Variants in PRDM16 observed in about 807,000 individuals in gnomAD.
PRDM16 encodes the protein histone-lysine N-methyltransferase PRDM16.
A neutral mutation model predicts 110.6 loss-of-function variants in PRDM16; 23 were observed. That is an observed-to-expected ratio of 0.21 (90% CI 0.15 to 0.29). The LOEUF (loss-of-function observed/expected upper bound fraction) is 0.29. Ranked by LOEUF, PRDM16 falls within the 10% of genes least tolerant of loss-of-function variation. PRDM16 has a pLI of 1.00. For missense variants in PRDM16, 1,615 were observed against 1,794.3 expected, an observed-to-expected ratio of 0.90 and a Z score of 1.81; for synonymous variants, 799 against 781.8, an observed-to-expected ratio of 1.02 and a Z score of -0.37.
In PRDM16 at chr1:3,140,199, C is replaced by T. The variant is rs369007551; in HGVS notation, c.38-45926C>T. Among the ~76,000 whole-genome samples the T allele has an allele frequency of 4.1e-4, 62 of 152,350 alleles. No individual in the cohort carries two copies. The East Asian group carries it at 8.5e-3, about 21-fold the overall frequency. On this transcript the variant is annotated intron_variant, in intron 1 of 16. Coordinates refer to ENST00000270722, the MANE Select transcript of PRDM16 (RefSeq NM_022114.4). ...CCGGCGGATGCAGCCCCCGGATGGC[C>T]GTTGCCACGCATTTTTGTTTAGGAA...
At chr1:3,147,171 C>T (rs1381579066) in intron 1 of PRDM16, among the ~76,000 whole-genome samples, 1 of 140,594 alleles carries the variant, frequency 7.1e-6, no homozygotes, top group Admixed American at 7.2e-5. Flanking sequence ...TGTGCACGCA[C>T]GTGTGTGCTC....
At chr1:3,259,503 C>T (rs1004276194) in intron 3 of PRDM16, among the ~76,000 whole-genome samples, 1 of 152,182 alleles carries the variant, frequency 6.6e-6, no homozygotes, top group African/African-American at 2.4e-5. Context: ...CTTTCTTCCC[C>T]TCCACATAAT....
At chr1:3,288,268 C>T (rs1640901119) in intron 3 of PRDM16, among the ~76,000 whole-genome samples, 1 of 152,212 alleles carries the variant, frequency 6.6e-6, no homozygotes, top group African/African-American at 2.4e-5. Context: ...CAGCTGAGAC[C>T]TAGGGGCCTG....
At chr1:3,274,872 G>A (rs894190135) in intron 3 of PRDM16, among the ~76,000 whole-genome samples, 1 of 152,106 alleles carries the variant, frequency 6.6e-6, no homozygotes, top group Admixed American at 6.6e-5. Flanking sequence ...TGTGGGTCCC[G>A]GGTCCTGAGA....
At chr1:3,332,634 T>G (rs1642064683) in intron 3 of PRDM16, among the ~76,000 whole-genome samples, 1 of 152,136 alleles carries the variant, frequency 6.6e-6, no homozygotes, top group Non-Finnish European at 1.5e-5. Context: ...CGGTGACATT[T>G]AGCACATCTG....
chr1:3,434,017 G>C lies in PRDM16; in HGVS notation c.*206G>C. The stretch of plus-strand genomic sequence containing the variant: ...GTCGTAGAGTCTCACCATCTCCAAG[G>C]ATTGGTCTTGAGAACACTGTTCAGT... On this transcript the variant is annotated 3_prime_UTR_variant, in exon 17 of 17. Coordinates refer to ENST00000270722, the MANE Select transcript of PRDM16 (RefSeq NM_022114.4). 1 of 579,698 alleles carries C rather than the reference G, an allele frequency of 1.7e-6. No individual in the cohort carries two copies. Among genetic ancestry groups the C allele is most frequent in the East Asian group, 3.0e-5 (1 of 33,510 alleles). 35.9% of individuals were successfully genotyped at this position (579,698 alleles called of 1,614,324 possible).
chr1:3,357,137 T>G (rs948668698), intron 3 of PRDM16, among the ~76,000 whole-genome samples: 1 of 152,046 alleles, frequency 6.6e-6, no homozygotes, highest in African/African-American at 2.4e-5. Context: ...ATGCCGGCCC[T>G]GTCTCTGCTG....
intron 3 of PRDM16, among the ~76,000 whole-genome samples, chr1:3,327,363 G>A (rs887656443): frequency 6.6e-6 from 1 of 152,176 alleles, no homozygotes; most frequent in South Asian, 2.1e-4. Context: ...GCCCTCGGGG[G>A]GTCCTGCCCC....
chr1:3,283,660 CAG>C (rs527749465), intron 3 of PRDM16, among the ~76,000 whole-genome samples: 165 of 148,658 alleles, frequency 1.1e-3, no homozygotes, highest in Admixed American at 3.7e-3. Flanking sequence ...GAGGAAGAGA[CAG>C]GGGGTGGTCA....
At chr1:3,288,276 C>T (rs187328896) in intron 3 of PRDM16, among the ~76,000 whole-genome samples, 11 of 152,314 alleles carry the variant, frequency 7.2e-5, no homozygotes, top group Admixed American at 2.0e-4. Flanking sequence ...ACCTAGGGGC[C>T]TGCGGTGAGG....
chr1:3,392,270 A>G (rs552058303), intron 4 of PRDM16, among the ~76,000 whole-genome samples: 64 of 152,362 alleles, frequency 4.2e-4, no homozygotes, highest in African/African-American at 1.5e-3. Context: ...TCTGAAATCC[A>G]GAATGGTGAG....
rs1246762433 is a variant in PRDM16 at position 3,246,662 on chromosome 1, CAT to C, written c.438+2527_438+2528del. Among the ~76,000 whole-genome samples, 22 of 152,324 alleles carry C rather than the reference CAT, an allele frequency of 1.4e-4. 1 individual carries two copies. The highest frequency in any genetic ancestry group is 6.8e-3 in the Middle Eastern group (2 of 294). ...CACAGCACTGCCTGGGCCATCAACTCATAGTTTTTTCAGCCTCCGCAATAAAC... is the reference window on the plus strand; with the variant it reads ...CACAGCACTGCCTGGGCCATCAACTCAGTTTTTTCAGCCTCCGCAATAAAC... On this transcript the variant is annotated intron_variant, in intron 3 of 16. Transcript: ENST00000270722. This position sits in a 1 kb window ranked among gnomAD's most constrained non-coding sequence, Gnocchi z 5.2.
chr1:3,320,314 ATG>A (rs377472497), intron 3 of PRDM16, among the ~76,000 whole-genome samples: 11 of 152,026 alleles, frequency 7.2e-5, no homozygotes, highest in African/African-American at 9.6e-5. Flanking sequence ...TCAAGAGTAG[ATG>A]TGTGTGTGTG....
At chr1:3,321,899 T>C (rs1440231380) in intron 3 of PRDM16, among the ~76,000 whole-genome samples, 1 of 151,794 alleles carries the variant, frequency 6.6e-6, no homozygotes, top group Non-Finnish European at 1.5e-5. Flanking sequence ...TGTTTGTGTT[T>C]GTAGGAGCAC....
At chr1:3,240,034 G>A (rs896836557) in intron 2 of PRDM16, among the ~76,000 whole-genome samples, 7 of 138,212 alleles carry the variant, frequency 5.1e-5, no homozygotes, top group Non-Finnish European at 9.3e-5. Context: ...GAAGAGGAGA[G>A]GAGAAGAGGA....
chr1:3,329,197 C>T (rs1356138799), intron 3 of PRDM16, among the ~76,000 whole-genome samples: 1 of 152,250 alleles, frequency 6.6e-6, no homozygotes, highest in East Asian at 1.9e-4. Context: ...GACCAGCAGC[C>T]TTGGGCCAGG....
At chr1:3,181,552 G>GTCTTACACACGGTCTTACACGGTCTTACA (rs755533699) in intron 1 of PRDM16, among the ~76,000 whole-genome samples, 1 of 27,432 alleles carries the variant, frequency 3.6e-5, no homozygotes, top group African/African-American at 1.1e-4. Context: ...TCTTACACAC[G>GTCTTACACACGGTCTTACACGGTCTTACA]CAGTCTTACA....
At chr1:3,153,492 A>G (rs995626777) in intron 1 of PRDM16, among the ~76,000 whole-genome samples, 3 of 152,218 alleles carry the variant, frequency 2.0e-5, no homozygotes, top group Non-Finnish European at 2.9e-5. Context: ...CCCAGGCTGG[A>G]CCAGAGCGGG....
Position 3,405,600 on chromosome 1 carries a change from G to A in PRDM16, c.1138G>A (p.Gly380Ser), listed in dbSNP as rs772150656. The A allele has an allele frequency of 3.7e-6, 6 of 1,611,264 alleles. No individual in the cohort carries two copies. In the East Asian group the frequency reaches 6.7e-5, roughly 18 times the overall value. ...CGGGAAGACCTTCGCCACGTCCTCCGGCCTCAAGCAGCACAAGCATATCCA... is the reference window on the plus strand; with the variant it reads ...CGGGAAGACCTTCGCCACGTCCTCCAGCCTCAAGCAGCACAAGCATATCCA... Reference protein sequence around the residue: ...DCGKTFATSSGLKQHKHIHST... With the variant: ...DCGKTFATSSSLKQHKHIHST... The change falls in exon 8 of 17, where the codon GGC becomes AGC. Residue 380 changes from glycine (G) to serine (S), a missense_variant. Coordinates refer to ENST00000270722, the MANE Select transcript of PRDM16 (RefSeq NM_022114.4).
Sources: gnomAD v4.1 joint callset for allele counts (sites outside exome capture counted in the v4.1 genomes callset) on GRCh38, gnomAD v4.1.1 for gene constraint, Gnocchi (gnomAD v3.1) non-coding constraint, MANE v1.5 for transcripts, NCBI Gene and HGNC (gene_info 2026-07-23, HGNC 2026-07-21) for gene names.